SEC16A: variants seen among roughly 807,000 people sequenced by gnomAD.
SEC16A encodes the protein SEC16 homolog A, endoplasmic reticulum export factor.
In SEC16A, 110 loss-of-function variants were observed where a neutral mutation model predicts 221.9. The observed-to-expected ratio is 0.50, with a 90% CI of 0.42 to 0.58. SEC16A has a LOEUF of 0.58. Ranked by LOEUF, SEC16A falls within the 20% of genes least tolerant of loss-of-function variation. The probability of loss-of-function intolerance (pLI) is 0.00; values close to 1 mark genes in which losing one functional copy is unlikely to be tolerated. For synonymous variants in SEC16A, 1,393 were observed against 1,257.7 expected (o/e 1.11, Z -2.28); for missense variants, 3,165 against 3,097.8 (o/e 1.02, Z -0.52).
chr9:136,456,879 A>G (rs997083494), intron 18 of SEC16A, among the ~76,000 whole-genome samples: 2 of 152,220 alleles, frequency 1.3e-5, no homozygotes, highest in Non-Finnish European at 2.9e-5. Context: ...CAAAATAAGA[A>G]TATCCTGGCC....
intron 28 of SEC16A, 30 bp from the exon 29 acceptor site, chr9:136,445,749 C>T: frequency 6.5e-7 from 1 of 1,543,080 alleles, no homozygotes; most frequent in Non-Finnish European, 8.8e-7. Flanking sequence ...TTGCAGCAAC[C>T]AAATCCCAGG....
upstream of SEC16A, chr9:136,483,735 G>A (rs1246092009): frequency 2.0e-6 from 2 of 985,380 alleles, no homozygotes; most frequent in Non-Finnish European, 2.4e-6. Flanking sequence ...GAAGCGCGGG[G>A]CCCTGACGCG....
chr9:136,466,530 C>T lies in SEC16A; in HGVS notation c.3930-68G>A. The T allele has an allele frequency of 6.9e-7, 1 of 1,443,046 alleles. No individual in the cohort carries two copies. Among genetic ancestry groups the T allele is most frequent in the Admixed American group, 2.2e-5 (1 of 44,510 alleles). The allele number at this position is 1,443,046 out of a possible 1,614,324, so 89.4% of individuals were successfully genotyped here. ...GGAGGCCCCGTCCCCATGTGCCACG[C>T]AGCTGCCCAGGAGCTGAGACCGAGA... is the stretch of plus-strand genomic sequence containing the variant. On this transcript the variant is annotated intron_variant, in intron 6 of 31. Transcript: ENST00000684901. The surrounding 1 kb of genome is among the most constrained non-coding windows in gnomAD (Gnocchi z 5.5).
chr9:136,460,139 C>A lies in SEC16A; in HGVS notation c.4992-16G>T. On this transcript the variant is annotated splice_polypyrimidine_tract_variant and intron_variant, in intron 13 of 31. Coordinates refer to ENST00000684901, the MANE Select transcript of SEC16A (RefSeq NM_014866.2). ...GTTAGCAAACCTAGGCAGACATAAA[C>A]ACAGAAAGACCCCATGCTGGCTCAG... 5.7e-6 allele frequency: 9 copies of A among 1,585,348 alleles called. No homozygotes were observed. Among genetic ancestry groups the A allele is most frequent in the Non-Finnish European group, 7.7e-6 (9 of 1,163,620 alleles).
In SEC16A at chr9:136,447,203, G is replaced by A. The variant is rs1837122100; in HGVS notation, c.6697+24C>T. ...TCAGGAGACTGGGGGCTGACCTGGA[G>A]GGGCTGGTGCTCGTGCTACCTACCT... On this transcript the variant is annotated intron_variant, in intron 27 of 31. Transcript: ENST00000684901. The surrounding 1 kb of genome is among the most constrained non-coding windows in gnomAD (Gnocchi z 5.5). 1 of 1,582,430 alleles carries A rather than the reference G, an allele frequency of 6.3e-7. No individual in the cohort carries two copies. Among genetic ancestry groups the A allele is most frequent in the Non-Finnish European group, 8.6e-7 (1 of 1,165,088 alleles).
In SEC16A at chr9:136,474,366, G is replaced by T; in HGVS notation, c.3250C>A (p.Pro1084Thr). The change falls in exon 3 of 32, where the codon CCA becomes ACA. Residue 1084 changes from proline (P) to threonine (T), a missense_variant. This residue lies in a region of SEC16A where 2,030 missense variants were observed against 1,923.1 expected (regional missense o/e 1.06). Coordinates refer to ENST00000684901, the MANE Select transcript of SEC16A (RefSeq NM_014866.2). ...TGTCCCTGTGCGGGCAGACTTTCTG[G>T]ATTTGACAGCTCCGAAAACATGGCT... ...PKAMFSELSN[P>T]ESLPAQGQAQ... 1 of 1,612,676 alleles carries T rather than the reference G, an allele frequency of 6.2e-7. No individual in the cohort carries two copies.
intron 28 of SEC16A, among the ~76,000 whole-genome samples, chr9:136,446,177 C>G (rs1198825780): frequency 6.6e-6 from 1 of 150,640 alleles, no homozygotes; most frequent in Non-Finnish European, 1.5e-5. Context: ...GCAATCTCAG[C>G]TCACTGCAAC....
At chr9:136,452,996 G>A (rs1406628171) in intron 22 of SEC16A, among the ~76,000 whole-genome samples, 2 of 150,974 alleles carry the variant, frequency 1.3e-5, no homozygotes, top group African/African-American at 4.9e-5. Context: ...CTTGAACCCA[G>A]GAGGTGGAGG....
chr9:136,472,623 G>A (rs531512274), intron 3 of SEC16A, among the ~76,000 whole-genome samples: 7 of 152,346 alleles, frequency 4.6e-5, no homozygotes, highest in East Asian at 1.9e-4. Flanking sequence ...AAAGCGGACC[G>A]TGCTTTATTC....
Position 136,447,798 on chromosome 9 carries a change from G to A in SEC16A, c.6447+55C>T, listed in dbSNP as rs569925897. On this transcript the variant is annotated intron_variant, in intron 25 of 31. Coordinates refer to ENST00000684901, the MANE Select transcript of SEC16A (RefSeq NM_014866.2). This position sits in a 1 kb window ranked among gnomAD's most constrained non-coding sequence, Gnocchi z 5.5. ...ACCCAAATATCACAGGGCCACATGAGGCTGTTCCCTCCACTCACACCTCAC... is the reference window on the plus strand; with the variant it reads ...ACCCAAATATCACAGGGCCACATGAAGCTGTTCCCTCCACTCACACCTCAC... 1 of 1,567,138 alleles carries A rather than the reference G, an allele frequency of 6.4e-7. No individual in the cohort carries two copies. The highest frequency in any genetic ancestry group is 1.3e-5 in the African/African-American group (1 of 74,114).
In SEC16A at chr9:136,451,448, C is replaced by T. The variant is rs775999121; in HGVS notation, c.6160-40G>A. 6.5e-6 allele frequency: 10 copies of T among 1,542,826 alleles called. No homozygotes were observed. The highest frequency in any genetic ancestry group is 8.7e-6 in the Non-Finnish European group (10 of 1,150,656). ...TGCAGAACAGGCTCTCCTGGGGCTC[C>T]TCACAGGAACCGAAAGAGAGAGGGG... On this transcript the variant is annotated intron_variant, in intron 22 of 31. Coordinates refer to ENST00000684901, the MANE Select transcript of SEC16A (RefSeq NM_014866.2).
At chr9:136,453,133 G>A (rs2132057485) in intron 22 of SEC16A, among the ~76,000 whole-genome samples, 1 of 151,302 alleles carries the variant, frequency 6.6e-6, no homozygotes, top group African/African-American at 2.4e-5. Flanking sequence ...TACCCATTTT[G>A]GAAGAATTAA....
At chr9:136,464,735 T>C (rs1466571086) in intron 8 of SEC16A, among the ~76,000 whole-genome samples, 173 bp from the exon 9 acceptor site, 1 of 152,222 alleles carries the variant, frequency 6.6e-6, no homozygotes, top group African/African-American at 2.4e-5. Flanking sequence ...AACTTCAGCA[T>C]ACGTCAGGAA....
chr9:136,474,778 C>G lies in SEC16A; in HGVS notation c.2838G>C (p.Lys946Asn). Residue 946 changes from lysine (K) to asparagine (N), a missense_variant, in exon 3 of 32, where the codon AAG (lysine) becomes AAC (asparagine). Transcript: ENST00000684901. The stretch of plus-strand genomic sequence containing the variant: ...CAAATCCGGGAAGAGCACTTCCTGC[C>G]TTACGATCCTTTTGACTTTCTGGAA... ...NLVPESQKDR[K>N]AGSALPGFAN... 6.2e-7 allele frequency: 1 copy of G among 1,613,972 alleles called. No individual in the cohort carries two copies. The highest frequency in any genetic ancestry group is 8.5e-7 in the Non-Finnish European group (1 of 1,179,886).
At position 136,447,039 on chromosome 9, in the gene SEC16A, A is replaced by G. The variant is rs771073969; in HGVS notation, c.6698-90T>C. On this transcript the variant is annotated intron_variant, in intron 27 of 31. Transcript: ENST00000684901. The surrounding 1 kb of genome is among the most constrained non-coding windows in gnomAD (Gnocchi z 5.5). ...CACTCCGAGAGGAAGAGAGTTTCAC[A>G]CTGCACACGCGGCACACTCATGCAG... 6.3e-6 allele frequency: 10 copies of G among 1,598,236 alleles called. No homozygotes were observed. The highest frequency in any genetic ancestry group is 7.7e-6 in the Non-Finnish European group (9 of 1,173,698).
chr9:136,448,984 A>C, intron 23 of SEC16A: 2 of 620,950 alleles, frequency 3.2e-6, no homozygotes, highest in South Asian at 3.8e-5. Flanking sequence ...GTGCCACAGA[A>C]CTGTGCACTC....
intron 9 of SEC16A, 69 bp downstream of exon 9, chr9:136,464,351 C>A: frequency 1.4e-6 from 2 of 1,451,192 alleles, no homozygotes; most frequent in Non-Finnish European, 1.9e-6. Context: ...TTGAAGATGA[C>A]AAACTGCAAA....
chr9:136,450,078 C>T (rs1204317702), intron 23 of SEC16A, among the ~76,000 whole-genome samples: 1 of 151,912 alleles, frequency 6.6e-6, no homozygotes, highest in Non-Finnish European at 1.5e-5. Context: ...GGGGTGGGCA[C>T]CTGTAATCCC....
rs542760347 is a variant in SEC16A, at chr9:136,475,519, A to G, written c.2097T>C (p.Thr699=). 1.5e-4 allele frequency: 242 copies of G among 1,612,638 alleles called. No homozygotes were observed. The highest frequency in any genetic ancestry group is 2.0e-4 in the Non-Finnish European group (241 of 1,179,092). ...LPHAGAPPLD[T]VYPAPEKRPS... ...GCCTCTTCTCGGGTGCTGGATACACAGTATCCAAGGGCGGTGCCCCTGCGT... is the reference window on the plus strand; with the variant it reads ...GCCTCTTCTCGGGTGCTGGATACACGGTATCCAAGGGCGGTGCCCCTGCGT... The change falls in exon 3 of 32, where the codon ACT becomes ACC. Residue 699 remains threonine, a synonymous_variant. Transcript: ENST00000684901. The surrounding 1 kb of genome is among the most constrained non-coding windows in gnomAD (Gnocchi z 5.0).
Sources: gnomAD v4.1 joint callset for allele counts (sites outside exome capture counted in the v4.1 genomes callset) on GRCh38, gnomAD v4.1.1 for gene constraint, gnomAD v4.1.1 regional missense constraint, Gnocchi (gnomAD v3.1) non-coding constraint, MANE v1.5 for transcripts, NCBI Gene and HGNC (gene_info 2026-07-23, HGNC 2026-07-21) for gene names.